The following PCDHGB2 variants were observed in gnomAD, a reference collection of about 807,000 sequenced individuals.
The protein encoded by PCDHGB2 is protocadherin gamma-B2.
Under a neutral mutation model 59.3 loss-of-function variants are expected in PCDHGB2, and 55 were observed. The observed-to-expected ratio is 0.93, with a 90% CI of 0.75 to 1.16. PCDHGB2 has a LOEUF of 1.16. Ranked by LOEUF, PCDHGB2 falls within the 50% of genes most tolerant of loss-of-function variation. The probability of loss-of-function intolerance (pLI) is 0.00; values close to 1 mark genes in which losing one functional copy is unlikely to be tolerated. For missense variants in PCDHGB2, 1,228 were observed against 1,198.5 expected, an observed-to-expected ratio of 1.02 and a Z score of -0.36; for synonymous variants, 516 against 512.0, an observed-to-expected ratio of 1.01 and a Z score of -0.11.
At chr5:141,371,218 C>T (rs1454546023) in intron 1 of PCDHGB2, 1 of 1,613,992 alleles carries the variant, frequency 6.2e-7, no homozygotes, top group South Asian at 1.1e-5. Context: ...GGCATCAATG[C>T]CGAAATCATC....
Position 141,490,225 on chromosome 5 carries a change from G to A in PCDHGB2, c.2422-4582G>A, listed in dbSNP as rs2099697468. On this transcript the variant is annotated intron_variant, in intron 1 of 3. Coordinates refer to ENST00000522605, the MANE Select transcript of PCDHGB2 (RefSeq NM_018923.3). This position sits in a 1 kb window ranked among gnomAD's most constrained non-coding sequence, Gnocchi z 5.4. The stretch of plus-strand genomic sequence containing the variant: ...AAGAGCCCGTGACCAGGGACAGCCT[G>A]CCATGGAGGGCCACTGTGTGATTCA... The A allele has an allele frequency of 6.2e-7, 1 of 1,614,112 alleles. No homozygotes were observed. The highest frequency in any genetic ancestry group is 1.1e-5 in the South Asian group (1 of 91,090).
chr5:141,481,871 G>A (rs372191396), intron 1 of PCDHGB2, among the ~76,000 whole-genome samples: 73 of 144,864 alleles, frequency 5.0e-4, no homozygotes, highest in Non-Finnish European at 9.7e-4. Context: ...CCGAGATCGC[G>A]CCACTGCACT....
intron 1 of PCDHGB2, chr5:141,413,303 T>G (rs772421197): frequency 6.8e-6 from 11 of 1,613,942 alleles, no homozygotes; most frequent in Middle Eastern, 3.3e-4. Flanking sequence ...CCTGAGGAAT[T>G]AGAGAAAGGC....
At chr5:141,374,459 A>T (rs764751595) in intron 1 of PCDHGB2, 1 of 1,613,448 alleles carries the variant, frequency 6.2e-7, no homozygotes, top group South Asian at 1.1e-5. Context: ...AATAGTGGAC[A>T]TTAATGACAA....
chr5:141,405,760 G>T (rs1048838050), intron 1 of PCDHGB2, among the ~76,000 whole-genome samples: 2 of 152,148 alleles, frequency 1.3e-5, no homozygotes, highest in East Asian at 3.9e-4. Context: ...TTACAGGCGT[G>T]AGCCACTGCG....
intron 1 of PCDHGB2, chr5:141,385,151 A>T: frequency 6.2e-7 from 1 of 1,614,224 alleles, no homozygotes; most frequent in Non-Finnish European, 8.5e-7. Context: ...GCTTTCCTGC[A>T]GACCTATTCC....
intron 1 of PCDHGB2, among the ~76,000 whole-genome samples, chr5:141,379,889 CTTTTTTTTTTTT>C (rs70988800): frequency 3.0e-4 from 15 of 50,832 alleles, no homozygotes; most frequent in South Asian, 9.2e-4. Flanking sequence ...GTGAAAGCCT[CTTTTTTTTTTTT>C]TTTTTTTTTT....
intron 1 of PCDHGB2, chr5:141,478,873 T>C: frequency 7.8e-7 from 1 of 1,274,424 alleles, no homozygotes; most frequent in African/African-American, 1.5e-5. Context: ...GATCAGAGTT[T>C]AGCTTGGTAT....
rs1358954122 is a variant in PCDHGB2, at chr5:141,491,553, C to T, written c.2422-3254C>T. On this transcript the variant is annotated intron_variant, in intron 1 of 3. Coordinates refer to ENST00000522605, the MANE Select transcript of PCDHGB2 (RefSeq NM_018923.3). This position sits in a 1 kb window ranked among gnomAD's most constrained non-coding sequence, Gnocchi z 6.9. ...CGCTGCGGCCCACAGACTCGCAGAG[C>T]CACTGCTACAGGACGTGCTTTTCAC... The T allele has an allele frequency of 6.2e-7, 1 of 1,613,954 alleles. No homozygotes were observed.
intron 1 of PCDHGB2, chr5:141,421,424 G>A: frequency 6.2e-7 from 1 of 1,614,092 alleles, no homozygotes. Context: ...CGCGGAGTCC[G>A]CATCGTCTCC....
At chr5:141,402,737 G>C (rs948478466) in intron 1 of PCDHGB2, among the ~76,000 whole-genome samples, 7 of 152,158 alleles carry the variant, frequency 4.6e-5, no homozygotes, top group African/African-American at 1.4e-4. Flanking sequence ...CGCCGCTGTT[G>C]ATCAACTCTA....
chr5:141,383,961 C>CT, intron 1 of PCDHGB2: 1 of 1,613,356 alleles, frequency 6.2e-7, no homozygotes, highest in Non-Finnish European at 8.5e-7. Context: ...CTTTAAGTAG[C>CT]TCAATCCCTG....
At chr5:141,419,475 C>G (rs775720158) in intron 1 of PCDHGB2, 2 of 1,612,266 alleles carry the variant, frequency 1.2e-6, no homozygotes, top group Admixed American at 1.7e-5. Context: ...GACCAGGGCT[C>G]GCCCGCGCTC....
chr5:141,413,470 C>T (rs748662580), intron 1 of PCDHGB2: 17 of 1,614,110 alleles, frequency 1.1e-5, no homozygotes, highest in Non-Finnish European at 1.4e-5. Flanking sequence ...CCGGGAGGAG[C>T]TCTGCGCTCA....
At chr5:141,460,981 GTGTATATA>G (rs1342006423) in intron 1 of PCDHGB2, among the ~76,000 whole-genome samples, 30 of 121,890 alleles carry the variant, frequency 2.5e-4, no homozygotes, top group African/African-American at 5.8e-4. Flanking sequence ...GTGTGTGTGT[GTGTATATA>G]TATATATGTG....
chr5:141,470,113 A>C (rs1209326739), intron 1 of PCDHGB2, among the ~76,000 whole-genome samples: 1 of 152,126 alleles, frequency 6.6e-6, no homozygotes, highest in Non-Finnish European at 1.5e-5. Context: ...TGAGCAACAG[A>C]GCAAGACTTC....
At chr5:141,413,460 C>T (rs1561742736) in intron 1 of PCDHGB2, 4 of 1,613,974 alleles carry the variant, frequency 2.5e-6, no homozygotes, top group Middle Eastern at 1.6e-4. Context: ...GCAGGATAGA[C>T]CGGGAGGAGC....
intron 1 of PCDHGB2, chr5:141,422,096 C>T: frequency 6.2e-7 from 1 of 1,610,710 alleles, no homozygotes; most frequent in Non-Finnish European, 8.5e-7. Context: ...AGCAAGGCTT[C>T]TGAAATATTC....
chr5:141,394,961 G>A, intron 1 of PCDHGB2: 1 of 1,613,920 alleles, frequency 6.2e-7, no homozygotes, highest in Non-Finnish European at 8.5e-7. Flanking sequence ...GGCTCAGGCT[G>A]AGGCGCTGGC....
Sources: allele counts gnomAD v4.1 joint callset (sites outside exome capture counted in the v4.1 genomes callset), GRCh38; gene constraint gnomAD v4.1.1; non-coding constraint Gnocchi (gnomAD v3.1); transcripts MANE v1.5; gene names NCBI Gene and HGNC (gene_info 2026-07-23, HGNC 2026-07-21).